Variants in BORCS5 observed in about 807,000 individuals in gnomAD.
The protein encoded by BORCS5 is BLOC-1 related complex subunit 5.
A neutral mutation model predicts 22.1 loss-of-function variants in BORCS5; 17 were observed. The ratio of observed to expected loss-of-function variants is 0.77; its 90% CI spans 0.53 to 1.15. The LOEUF is 1.15. Ranked by LOEUF, BORCS5 falls within the 50% of genes most tolerant of loss-of-function variation. BORCS5 has a pLI of 0.00. For missense variants in BORCS5, 247 were observed against 253.2 expected, an observed-to-expected ratio of 0.98 and a Z score of 0.17; for synonymous variants, 117 against 99.8, an observed-to-expected ratio of 1.17 and a Z score of -1.03.
chr12:12,372,849 G>T (rs1481770158), intron 2 of BORCS5, among the ~76,000 whole-genome samples: 2 of 152,100 alleles, frequency 1.3e-5, no homozygotes, highest in African/African-American at 2.4e-5. Flanking sequence ...AGAGATTTAA[G>T]GGTACCCTGT....
rs1592148212 is a variant in BORCS5, at chr12:12,466,132, C to T, written c.*356C>T. ...AGGTACCGGAATAAAAATATGGAGACAAGGGGAAAATATTTTACGAAGCTC... is the reference window on the plus strand; with the variant it reads ...AGGTACCGGAATAAAAATATGGAGATAAGGGGAAAATATTTTACGAAGCTC... On this transcript the variant is annotated 3_prime_UTR_variant, in exon 4 of 4. Coordinates refer to ENST00000314565, the MANE Select transcript of BORCS5 (RefSeq NM_058169.6). 5.3e-6 allele frequency: 1 copy of T among 188,758 alleles called. No individual in the cohort carries two copies. Among genetic ancestry groups the T allele is most frequent in the East Asian group, 1.4e-4 (1 of 7,130 alleles). The allele number at this position is 188,758 out of a possible 1,614,324, so 11.7% of individuals were successfully genotyped here. A position where few individuals can be genotyped will look rare whatever the true frequency, so the allele number is the denominator to read the frequency against.
rs545308934 is a variant in BORCS5, at chr12:12,431,472, G to A, written c.203-4156G>A. On this transcript the variant is annotated intron_variant, in intron 2 of 3. Transcript: ENST00000314565. ...GGCTGGAGTGTGGTGGCATGATCGC[G>A]GCTCACTGCAAGCTCCGCCTCCGGG... Among the ~76,000 whole-genome samples, 114 of 139,874 alleles carry A rather than the reference G, an allele frequency of 8.2e-4. 1 individual carries two copies. Among genetic ancestry groups the A allele is most frequent in the African/African-American group, 2.6e-3 (98 of 37,388 alleles). 91.8% of individuals were successfully genotyped at this position (139,874 alleles called of 152,430 possible). A position where few individuals can be genotyped will look rare whatever the true frequency, so the allele number is the denominator to read the frequency against.
At chr12:12,450,887 TTAG>T (rs145344547) in intron 3 of BORCS5, among the ~76,000 whole-genome samples, 3,295 of 152,314 alleles carry the variant, frequency 0.022, 122 homozygotes, top group African/African-American at 0.075. Flanking sequence ...TATCTGACAG[TTAG>T]TAGATACTTA....
chr12:12,361,380 T>G, intron 2 of BORCS5, 31 bp downstream of exon 2: 1 of 1,607,516 alleles, frequency 6.2e-7, no homozygotes, highest in Non-Finnish European at 8.5e-7. Context: ...TTATCTGAAC[T>G]TGCTGGAGAC....
At chr12:12,364,702 C>T (rs1863367304) in intron 2 of BORCS5, among the ~76,000 whole-genome samples, 1 of 152,226 alleles carries the variant, frequency 6.6e-6, no homozygotes, top group South Asian at 2.1e-4. Context: ...CATGGTGGCT[C>T]ACGCCTGTAA....
At chr12:12,374,870 C>T (rs1005835073) in intron 2 of BORCS5, among the ~76,000 whole-genome samples, 2 of 148,268 alleles carry the variant, frequency 1.3e-5, no homozygotes, top group Non-Finnish European at 3.0e-5. Context: ...GTGGGACAAT[C>T]GTTTGAATGC....
At chr12:12,458,701 G>T (rs542889102) in intron 3 of BORCS5, among the ~76,000 whole-genome samples, 111 of 149,144 alleles carry the variant, frequency 7.4e-4, no homozygotes, top group Admixed American at 4.0e-3. Flanking sequence ...GGCTGGCCAC[G>T]GTGGCTCACG....
chr12:12,372,292 G>A (rs1360160522), intron 2 of BORCS5, among the ~76,000 whole-genome samples: 2 of 151,934 alleles, frequency 1.3e-5, no homozygotes, highest in East Asian at 1.9e-4. Context: ...CACCTGCCTC[G>A]GCTTCCTAAA....
chr12:12,449,343 G>A (rs911215137), intron 3 of BORCS5, among the ~76,000 whole-genome samples: 5 of 152,348 alleles, frequency 3.3e-5, no homozygotes, highest in Admixed American at 6.5e-5. Context: ...CCCAAGGAAC[G>A]GGAGGAGTGG....
chr12:12,467,126 A>G lies in BORCS5; in HGVS notation c.*1350A>G, dbSNP rs1171133590. 1 of 152,204 alleles carries G rather than the reference A, an allele frequency of 6.6e-6. No homozygotes were observed. Among genetic ancestry groups the G allele is most frequent in the Non-Finnish European group, 1.5e-5 (1 of 68,052 alleles). 9.4% of individuals were successfully genotyped at this position (152,204 alleles called of 1,614,324 possible). On this transcript the variant is annotated 3_prime_UTR_variant, in exon 4 of 4. Transcript: ENST00000314565. ...AAAAATTAATTAATTTTACATTTTC[A>G]AATTCAAAAGAATAATACAATGAAT...
chr12:12,414,661 G>T (rs1941869613), intron 2 of BORCS5, among the ~76,000 whole-genome samples: 1 of 100,566 alleles, frequency 9.9e-6, no homozygotes, highest in African/African-American at 4.5e-5. Context: ...TCACCTCCCG[G>T]ACGGGGCGGC....
Position 12,384,280 on chromosome 12 carries a change from C to T in BORCS5, c.202+22931C>T, listed in dbSNP as rs1340950755. On this transcript the variant is annotated intron_variant, in intron 2 of 3. Transcript: ENST00000314565. ...TACAGGTGTGAGCCACCGTGCCTGGCCTGCTTTTTAAAATATATATATAAT... is the reference window on the plus strand; with the variant it reads ...TACAGGTGTGAGCCACCGTGCCTGGTCTGCTTTTTAAAATATATATATAAT... Among the ~76,000 whole-genome samples, 2 of 150,690 alleles carry T rather than the reference C, an allele frequency of 1.3e-5. 1 individual carries two copies.
rs75351647 is a variant in BORCS5, at chr12:12,454,612, T to C, written c.361-10934T>C. 5.6e-3 allele frequency among the ~76,000 whole-genome samples: 852 copies of C among 152,206 alleles called. 8 individuals carry two copies. Among genetic ancestry groups the C allele is most frequent in the African/African-American group, 0.02 (823 of 41,516 alleles). On this transcript the variant is annotated intron_variant, in intron 3 of 3. Coordinates refer to ENST00000314565, the MANE Select transcript of BORCS5 (RefSeq NM_058169.6). ...GAATTTCAGAAACATCTGAGAAGGG[T>C]GGATATTGAAGCTTTATATAAAATA...
Position 12,430,151 on chromosome 12 carries a change from A to ATTTTTTTTTTTTT in BORCS5, c.203-5472_203-5460dup, listed in dbSNP as rs71061068. Among the ~76,000 whole-genome samples the ATTTTTTTTTTTTT allele has an allele frequency of 7.7e-3, 831 of 107,630 alleles. 57 individuals are homozygous for ATTTTTTTTTTTTT. The highest frequency in any genetic ancestry group is 9.4e-3 in the African/African-American group (231 of 24,570). 70.6% of individuals were successfully genotyped at this position (107,630 alleles called of 152,430 possible). A position where few individuals can be genotyped will look rare whatever the true frequency, so the allele number is the denominator to read the frequency against. On this transcript the variant is annotated intron_variant, in intron 2 of 3. Transcript: ENST00000314565. ...TACCACTTTAATCACCTTAGAGAAA[A>ATTTTTTTTTTTTT]TTTTTTTTTTTTTTTTTGAGACAGA... is the stretch of plus-strand genomic sequence containing the variant.
chr12:12,431,075 T>C (rs776837012), intron 2 of BORCS5, among the ~76,000 whole-genome samples: 9 of 152,240 alleles, frequency 5.9e-5, no homozygotes, highest in Non-Finnish European at 1.0e-4. Context: ...CTACTGTGTG[T>C]GTAAATTCCT....
intron 2 of BORCS5, among the ~76,000 whole-genome samples, chr12:12,390,402 C>A (rs1941143122): frequency 6.6e-6 from 1 of 152,088 alleles, no homozygotes; most frequent in South Asian, 2.1e-4. Context: ...GAAGTGACCA[C>A]TGTGGCCAAG....
chr12:12,456,623 G>A (rs768301165), intron 3 of BORCS5, among the ~76,000 whole-genome samples: 20 of 152,036 alleles, frequency 1.3e-4, no homozygotes, highest in Admixed American at 6.5e-5. Flanking sequence ...ATACATGTAC[G>A]CATGTACGCC....
chr12:12,434,180 G>T lies in BORCS5; in HGVS notation c.203-1448G>T, dbSNP rs1942500313. On this transcript the variant is annotated intron_variant, in intron 2 of 3. Coordinates refer to ENST00000314565, the MANE Select transcript of BORCS5 (RefSeq NM_058169.6). The stretch of plus-strand genomic sequence containing the variant: ...TGCCTGTGGCCTCAGCTACTCTGGA[G>T]GCTGAGGTAGGAAGATTGCTTGGGT... Among the ~76,000 whole-genome samples the T allele has an allele frequency of 2.0e-5, 3 of 151,856 alleles. No homozygotes were observed. The South Asian group carries it at 6.2e-4, about 32-fold the overall frequency.
intron 2 of BORCS5, among the ~76,000 whole-genome samples, chr12:12,385,889 G>C (rs572726842): frequency 6.6e-6 from 1 of 151,422 alleles, no homozygotes; most frequent in Admixed American, 6.6e-5. Flanking sequence ...AAAATGGTTT[G>C]AATTATGTTT....
Sources: gnomAD v4.1 joint callset for allele counts (sites outside exome capture counted in the v4.1 genomes callset) on GRCh38, gnomAD v4.1.1 for gene constraint, MANE v1.5 for transcripts, NCBI Gene and HGNC (gene_info 2026-07-23, HGNC 2026-07-21) for gene names.